Variants in SH2B2 observed in about 807,000 individuals in gnomAD.
SH2B2 encodes SH2B adapter protein 2.
A neutral mutation model predicts 35.7 loss-of-function variants in SH2B2; 37 were observed. The ratio of observed to expected loss-of-function variants is 1.04; its 90% confidence interval spans 0.80 to 1.36. The LOEUF is 1.36. Ranked by LOEUF, SH2B2 falls within the 40% of genes most tolerant of loss-of-function variation. The probability of loss-of-function intolerance (pLI) is 0.00; values close to 1 mark genes in which losing one functional copy is unlikely to be tolerated. For synonymous variants in SH2B2, 383 were observed against 376.4 expected (o/e 1.02, Z -0.20); for missense variants, 852 against 817.7 (o/e 1.04, Z -0.51).
At position 102,321,395 on chromosome 7, in the gene SH2B2, G is replaced by A; in HGVS notation, c.1664G>A (p.Cys555Tyr). Residue 555 changes from cysteine to tyrosine, a missense_variant, in exon 9 of 9, where the codon TGC becomes TAC. This residue lies in a region of SH2B2 where 556 missense variants were observed against 514.5 expected (regional missense o/e 1.08). Transcript: ENST00000444095. The part of the protein sequence containing the change: ...HYFSSLAAAA[C>Y]PPASPSDAAG... ...TTCTCCAGCCTCGCCGCGGCCGCCT[G>A]CCCGCCTGCCTCGCCCTCCGACGCC... 4 of 1,378,878 alleles carry A rather than the reference G, an allele frequency of 2.9e-6. No individual in the cohort carries two copies. Among genetic ancestry groups the A allele is most frequent in the Non-Finnish European group, 2.8e-6 (3 of 1,065,008 alleles). The allele number at this position is 1,378,878 out of a possible 1,614,324, so 85.4% of individuals were successfully genotyped here.
chr7:102,296,507 T>C (rs1792922813), intron 1 of SH2B2, among the ~76,000 whole-genome samples: 2 of 152,214 alleles, frequency 1.3e-5, no homozygotes, highest in East Asian at 3.8e-4. Context: ...ATTTTCCCCC[T>C]GGCTTGGATG....
chr7:102,299,629 G>A (rs1563552116), intron 1 of SH2B2, among the ~76,000 whole-genome samples: 1 of 152,154 alleles, frequency 6.6e-6, no homozygotes, highest in Non-Finnish European at 1.5e-5. Context: ...CGAATCCCAG[G>A]ACGGCAGCCT....
chr7:102,313,422 T>A (rs1290567153), intron 4 of SH2B2, among the ~76,000 whole-genome samples: 1 of 151,302 alleles, frequency 6.6e-6, no homozygotes, highest in Non-Finnish European at 1.5e-5. Context: ...CACTCCAGCC[T>A]GGGTGACAGA....
intron 3 of SH2B2, among the ~76,000 whole-genome samples, chr7:102,308,408 C>G (rs1350827320): frequency 3.3e-5 from 5 of 152,172 alleles, no homozygotes; most frequent in Non-Finnish European, 7.4e-5. Flanking sequence ...ACATGCAAGC[C>G]CCCCTACTCA....
chr7:102,306,056 C>T (rs1051267420), intron 2 of SH2B2, among the ~76,000 whole-genome samples: 3 of 151,952 alleles, frequency 2.0e-5, no homozygotes, highest in African/African-American at 7.2e-5. Context: ...CATGCCACCA[C>T]ACTCGGCTAA....
intron 1 of SH2B2, among the ~76,000 whole-genome samples, chr7:102,295,070 G>C (rs1225397993): frequency 9.9e-5 from 15 of 152,160 alleles, no homozygotes; most frequent in African/African-American, 3.1e-4. Flanking sequence ...CCACCTGCGA[G>C]AGCCTCCCCC....
intron 7 of SH2B2, among the ~76,000 whole-genome samples, chr7:102,318,839 G>A (rs1370413566): frequency 7.9e-5 from 12 of 152,162 alleles, no homozygotes; most frequent in African/African-American, 2.7e-4. Context: ...GGTGCTTAAG[G>A]CCATCCCTGG....
chr7:102,291,514 C>G (rs1414870602), intron 1 of SH2B2, among the ~76,000 whole-genome samples: 6 of 152,184 alleles, frequency 3.9e-5, no homozygotes, highest in African/African-American at 1.4e-4. Context: ...CCACACCTGT[C>G]CCCATCGCCA....
At chr7:102,310,205 A>G (rs1793567021) in intron 4 of SH2B2, among the ~76,000 whole-genome samples, 1 of 152,068 alleles carries the variant, frequency 6.6e-6, no homozygotes, top group African/African-American at 2.4e-5. Flanking sequence ...AATCCCAGCT[A>G]CTCGAGAGGC....
At chr7:102,309,121 A>G (rs1793514961) in intron 4 of SH2B2, 2 of 663,074 alleles carry the variant, frequency 3.0e-6, no homozygotes, top group Non-Finnish European at 5.6e-6. Context: ...CTATGGGGCC[A>G]GGGCCTGGGG....
At chr7:102,286,510 C>A (rs1468175214), upstream of SH2B2, among the ~76,000 whole-genome samples, 1 of 152,110 alleles carries the variant, frequency 6.6e-6, no homozygotes, top group Non-Finnish European at 1.5e-5. Flanking sequence ...GGGCCACCAC[C>A]ACCGCGGGCT....
chr7:102,311,643 C>A lies in SH2B2; in HGVS notation c.924-2693C>A, dbSNP rs373492278. Among the ~76,000 whole-genome samples the A allele has an allele frequency of 1.8e-3, 269 of 150,830 alleles. 1 individual carries two copies. The highest frequency in any genetic ancestry group is 3.4e-3 in the Middle Eastern group (1 of 290). ...CTTGAATTCCTGGGTTCAAGAGACC[C>A]GCCTGCCTCGGCCTCCCAAAGCACT... On this transcript the variant is annotated intron_variant, in intron 4 of 8. Transcript: ENST00000444095.
rs1554554939 is a variant in SH2B2 at position 102,306,747 on chromosome 7, ACT to A, written c.757_758del (p.Leu253ValfsTer5). 1 of 1,599,514 alleles carries A rather than the reference ACT, an allele frequency of 6.3e-7. No individual in the cohort carries two copies. The highest frequency in any genetic ancestry group is 1.1e-5 in the South Asian group (1 of 88,082). ...CCTCCAGGCCCAAGGTCAGCATCCC[ACT>A]GTCAGCCATCATTGAGGTCCGCACC... ...KASRPKVSIP[L>X]SAIIEVRTTM... On this transcript the variant is annotated frameshift_variant, in exon 3 of 9. Transcript: ENST00000444095. LOFTEE classifies it high-confidence loss of function.
rs1269055140 is a variant in SH2B2 at position 102,314,568 on chromosome 7, C to T, written c.1072C>T (p.Pro358Ser). The T allele has an allele frequency of 7.5e-6, 3 of 398,558 alleles. No homozygotes were observed. The highest frequency in any genetic ancestry group is 4.4e-5 in the Admixed American group (1 of 22,688). The allele number at this position is 398,558 out of a possible 1,614,324, so 24.7% of individuals were successfully genotyped here. Residue 358 changes from proline to serine, a missense_variant, in exon 6 of 9, where the codon CCC (proline) becomes TCC (serine). Coordinates refer to ENST00000444095, the MANE Select transcript of SH2B2 (RefSeq NM_001359228.2). ...TTAVGAVVTA[P>S]HSRGRDAVRE... ...AGCCGTGGGTGCAGTGGTGACAGCCCCCCACAGCCGAGGTCGAGATGCCGT... is the reference window on the plus strand; with the variant it reads ...AGCCGTGGGTGCAGTGGTGACAGCCTCCCACAGCCGAGGTCGAGATGCCGT...
chr7:102,290,727 G>A (rs1273523483), intron 1 of SH2B2, among the ~76,000 whole-genome samples: 2 of 152,174 alleles, frequency 1.3e-5, no homozygotes, highest in Non-Finnish European at 2.9e-5. Flanking sequence ...TTTCTTACAG[G>A]GAAGATGTGA....
intron 1 of SH2B2, among the ~76,000 whole-genome samples, chr7:102,288,145 G>T (rs1483872614): frequency 6.6e-6 from 1 of 152,132 alleles, no homozygotes; most frequent in Admixed American, 6.5e-5. Context: ...GGGGCAGGGG[G>T]TGTGGTTTCC....
chr7:102,317,259 G>A lies in SH2B2; in HGVS notation c.1259G>A (p.Gly420Glu), dbSNP rs1554557219. The A allele has an allele frequency of 1.2e-6, 2 of 1,613,546 alleles. No homozygotes were observed. Among genetic ancestry groups the A allele is most frequent in the East Asian group, 2.2e-5 (1 of 44,860 alleles). Residue 420 changes from glycine (G) to glutamate (E), a missense_variant, in exon 7 of 9, where the codon GGG becomes GAG. By Grantham distance (98) the Gly-to-Glu change is moderately conservative. Around this residue, in one of 3 missense-constraint regions of SH2B2, gnomAD observed 556 missense variants for 514.5 expected, o/e 1.08. Transcript: ENST00000444095. ...CTATCCGACTACCCATGGTTCCACG[G>A]GACACTGTCCCGGGTCAAGGCTGCT... Reference protein sequence around the residue: ...LELSDYPWFHGTLSRVKAAQL... With the variant: ...LELSDYPWFHETLSRVKAAQL...
Position 102,317,363 on chromosome 7 carries a change from G to T in SH2B2, c.1363G>T (p.Val455Leu), listed in dbSNP as rs782671132. 6.3e-7 allele frequency: 1 copy of T among 1,594,422 alleles called. No homozygotes were observed. The highest frequency in any genetic ancestry group is 8.6e-7 in the Non-Finnish European group (1 of 1,165,050). The change falls in exon 7 of 9, where the codon GTG becomes TTG. Residue 455 changes from valine (V) to leucine (L), a missense_variant. By Grantham distance (32) the Val-to-Leu change is conservative. This residue lies in a region of SH2B2 where 556 missense variants were observed against 514.5 expected (regional missense o/e 1.08). Coordinates refer to ENST00000444095, the MANE Select transcript of SH2B2 (RefSeq NM_001359228.2). Reference sequence around the variant, plus strand: ...AAGTGAGACTCGGCCTGGGGAGTACGTGCTGACCTTCAACTTCCAGGGCAA... The same window carrying T: ...AAGTGAGACTCGGCCTGGGGAGTACTTGCTGACCTTCAACTTCCAGGGCAA... ...RQSETRPGEY[V>L]LTFNFQGKAK...
chr7:102,307,696 C>T (rs1224492786), intron 3 of SH2B2, among the ~76,000 whole-genome samples: 1 of 151,760 alleles, frequency 6.6e-6, no homozygotes, highest in Non-Finnish European at 1.5e-5. Flanking sequence ...CTGTTCAGAG[C>T]GGGATTAAAG....
Sources: gnomAD v4.1 joint callset for allele counts (sites outside exome capture counted in the v4.1 genomes callset) on GRCh38, gnomAD v4.1.1 for gene constraint, gnomAD v4.1.1 regional missense constraint, MANE v1.5 for transcripts, NCBI Gene and HGNC (gene_info 2026-07-23, HGNC 2026-07-21) for gene names.